Variants in FER observed in about 807,000 individuals in gnomAD.
FER encodes FER tyrosine kinase, also known as tyrosine-protein kinase Fer.
Under a neutral mutation model 111.0 loss-of-function variants are expected in FER, and 63 were observed. That is an observed-to-expected ratio of 0.57 (90% CI 0.46 to 0.70). The LOEUF (loss-of-function observed/expected upper bound fraction) is 0.70, where lower values mean the gene tolerates loss of function less well. FER is among the 30% of genes least tolerant of loss of function. The pLI is 0.00. For synonymous variants in FER, 327 were observed against 313.9 expected, an observed-to-expected ratio of 1.04 and a Z score of -0.44; for missense variants, 914 against 954.0, an observed-to-expected ratio of 0.96 and a Z score of 0.55.
chr5:108,834,698 CAAAAAAAAAAAA>C (rs758205074), intron 4 of FER, among the ~76,000 whole-genome samples: 20 of 51,646 alleles, frequency 3.9e-4, no homozygotes, highest in Non-Finnish European at 7.3e-4. Context: ...GATTCTGTCT[CAAAAAAAAAAAA>C]AAAAAAAAGT....
intron 18 of FER, among the ~76,000 whole-genome samples, chr5:109,182,106 ATCCATTG>A (rs900874960): frequency 1.3e-5 from 2 of 152,244 alleles, no homozygotes; most frequent in African/African-American, 4.8e-5. Context: ...GGACTGAATA[ATCCATTG>A]TATGGATATA....
intron 15 of FER, among the ~76,000 whole-genome samples, chr5:109,045,905 C>T (rs982319349): frequency 2.6e-5 from 4 of 152,092 alleles, no homozygotes; most frequent in Non-Finnish European, 5.9e-5. Context: ...GCCAGTCAGC[C>T]CTATTTGTTC....
At chr5:109,010,446 C>T (rs550511726) in intron 13 of FER, among the ~76,000 whole-genome samples, 4 of 152,248 alleles carry the variant, frequency 2.6e-5, no homozygotes, top group East Asian at 1.9e-4. Flanking sequence ...CGTGAGCCAC[C>T]GTGCCCAGCC....
chr5:108,953,174 A>G (rs1757991578), intron 11 of FER, among the ~76,000 whole-genome samples: 1 of 151,960 alleles, frequency 6.6e-6, no homozygotes, highest in South Asian at 2.1e-4. Flanking sequence ...GTATCAGTAT[A>G]TACAAAAAGT....
intron 16 of FER, among the ~76,000 whole-genome samples, chr5:109,061,610 A>C (rs1048542382): frequency 2.0e-5 from 3 of 152,214 alleles, no homozygotes; most frequent in African/African-American, 7.2e-5. Flanking sequence ...ATGTCTGTGC[A>C]AGATACTCTG....
Position 109,049,394 on chromosome 5 carries a change from T to TC in FER, c.1924+2198dup, listed in dbSNP as rs1772437730. On this transcript the variant is annotated intron_variant, in intron 16 of 19. Transcript: ENST00000281092. ...TCCCTTGCAGCTATATGTCTAAAGTTCCTGTTTCTTTGCCTTCTGTCTGCC... is the reference window on the plus strand; with the variant it reads ...TCCCTTGCAGCTATATGTCTAAAGTTCCCTGTTTCTTTGCCTTCTGTCTGCC... Among the ~76,000 whole-genome samples the TC allele has an allele frequency of 2.6e-5, 4 of 152,162 alleles. No homozygotes were observed. The South Asian group carries it at 8.3e-4, about 32-fold the overall frequency.
At chr5:108,791,765 G>T (rs1310913228) in intron 2 of FER, among the ~76,000 whole-genome samples, 1 of 152,010 alleles carries the variant, frequency 6.6e-6, no homozygotes, top group African/African-American at 2.4e-5. Context: ...CTAAGCCAAG[G>T]TTACAAAGAT....
chr5:109,031,045 G>A (rs1194958977), intron 13 of FER, among the ~76,000 whole-genome samples: 3 of 152,128 alleles, frequency 2.0e-5, no homozygotes, highest in Non-Finnish European at 4.4e-5. Flanking sequence ...GGCCAGCTGG[G>A]AAAGGGAGTC....
rs114678081 is a variant in FER at position 108,870,593 on chromosome 5, A to G, written c.666-772A>G. On this transcript the variant is annotated intron_variant, in intron 6 of 19. Transcript: ENST00000281092. ...TTTAAAATAAAGTAATTGAGAGAAT[A>G]CTTCACAATAAGGGAGCTTTTGTAC... 6.1e-3 allele frequency among the ~76,000 whole-genome samples: 933 copies of G among 152,220 alleles called. 16 individuals carry two copies. The highest frequency in any genetic ancestry group is 0.022 in the African/African-American group (899 of 41,544).
At chr5:108,992,682 A>AC (rs1440402692) in intron 13 of FER, among the ~76,000 whole-genome samples, 4 of 138,196 alleles carry the variant, frequency 2.9e-5, no homozygotes, top group African/African-American at 1.1e-4. Flanking sequence ...GCGGGGGCTG[A>AC]CCCCCACCTC....
At chr5:108,967,759 C>CAAAAAAAAAAAAAAAAAAAAAAAAAAAA (rs774855414) in intron 13 of FER, among the ~76,000 whole-genome samples, 2 of 34,474 alleles carry the variant, frequency 5.8e-5, no homozygotes, top group Non-Finnish European at 1.1e-4. Flanking sequence ...GACTCCGTCT[C>CAAAAAAAAAAAAAAAAAAAAAAAAAAAA]AAAAAAAAAA....
rs572084764 is a variant in FER, at chr5:108,860,447, A to T, written c.482-7320A>T. On this transcript the variant is annotated intron_variant, in intron 5 of 19. Coordinates refer to ENST00000281092, the MANE Select transcript of FER (RefSeq NM_005246.4). ...TTAAAAATCAGAAACTAAAATTTAG[A>T]TTAAATGTTTTGCTTGGGGCTGCAC... Among the ~76,000 whole-genome samples, 7 of 152,352 alleles carry T rather than the reference A, an allele frequency of 4.6e-5. No homozygotes were observed. In the East Asian group the frequency reaches 1.3e-3, roughly 29 times the overall value.
At chr5:108,903,071 G>A (rs528425221) in intron 10 of FER, among the ~76,000 whole-genome samples, 1 of 151,976 alleles carries the variant, frequency 6.6e-6, no homozygotes, top group Non-Finnish European at 1.5e-5. Flanking sequence ...GACAATATAT[G>A]CTTTGGACCA....
chr5:108,824,629 T>C (rs2150113066), intron 3 of FER, among the ~76,000 whole-genome samples: 1 of 152,244 alleles, frequency 6.6e-6, no homozygotes, highest in South Asian at 2.1e-4. Context: ...TTACTGATTG[T>C]TTTTATACTC....
At position 109,096,673 on chromosome 5, in the gene FER, T is replaced by C. The variant is rs537322722; in HGVS notation, c.1925-3723T>C. Among the ~76,000 whole-genome samples the C allele has an allele frequency of 1.2e-4, 17 of 137,762 alleles. No individual in the cohort carries two copies. In the East Asian group the frequency reaches 3.3e-3, roughly 27 times the overall value. The allele number at this position is 137,762 out of a possible 152,430, so 90.4% of individuals were successfully genotyped here. On this transcript the variant is annotated intron_variant, in intron 16 of 19. Transcript: ENST00000281092. ...AGTGTTATCTAATCTTCTTAAGATT[T>C]GTGCCTATTCCTGAACCAATCACTT...
At chr5:109,151,107 C>G (rs556281797) in intron 17 of FER, among the ~76,000 whole-genome samples, 35 of 152,064 alleles carry the variant, frequency 2.3e-4, no homozygotes, top group Non-Finnish European at 4.0e-4. Context: ...TTGTAATTCG[C>G]TGAATGATGC....
chr5:108,924,588 C>G, intron 10 of FER: 1 of 1,229,458 alleles, frequency 8.1e-7, no homozygotes, highest in East Asian at 3.2e-5. Context: ...TTGCTTTTGC[C>G]TCACACAGGA....
chr5:108,952,424 G>T (rs912185750), intron 11 of FER, among the ~76,000 whole-genome samples: 13 of 139,640 alleles, frequency 9.3e-5, no homozygotes, highest in African/African-American at 3.2e-4. Context: ...GTCTTTGAAA[G>T]ACCTGATATA....
chr5:108,954,846 CGA>C lies in FER; in HGVS notation c.1453_1454del (p.His486TrpfsTer5). On this transcript the variant is annotated frameshift_variant, in exon 12 of 20. Transcript: ENST00000281092. LOFTEE classifies it high-confidence loss of function. Reference protein sequence around the residue: ...LLKKQGDFLVRESHGKPGEYV... With the variant: ...LLKKQGDFLVXESHGKPGEYV... Reference sequence around the variant, plus strand: ...AAAAAAACAAGGAGACTTTTTGGTGCGAGAGAGTCATGGGAAACCTGGTGAAT... The same window carrying C: ...AAAAAAACAAGGAGACTTTTTGGTGCGAGAGTCATGGGAAACCTGGTGAAT... 1 of 1,611,532 alleles carries C rather than the reference CGA, an allele frequency of 6.2e-7. No individual in the cohort carries two copies. The highest frequency in any genetic ancestry group is 8.5e-7 in the Non-Finnish European group (1 of 1,178,932).
Sources: allele counts gnomAD v4.1 joint callset (sites outside exome capture counted in the v4.1 genomes callset), GRCh38; gene constraint gnomAD v4.1.1; transcripts MANE v1.5; gene names NCBI Gene and HGNC (gene_info 2026-07-23, HGNC 2026-07-21).